BBS9: variants seen among roughly 807,000 people sequenced by gnomAD.
BBS9 encodes protein PTHB1.
In BBS9, 89 loss-of-function variants were observed where a neutral mutation model predicts 117.7. The observed-to-expected ratio is 0.76, with a 90% confidence interval of 0.64 to 0.90. The LOEUF is 0.90. BBS9 is among the 40% of genes least tolerant of loss of function. BBS9 has a pLI of 0.00. For missense variants in BBS9, 982 were observed against 1,042.2 expected, an observed-to-expected ratio of 0.94 and a Z score of 0.80; for synonymous variants, 379 against 370.9, an observed-to-expected ratio of 1.02 and a Z score of -0.25.
intron 5 of BBS9, among the ~76,000 whole-genome samples, chr7:33,225,892 C>CA (rs1213944013): frequency 6.6e-6 from 1 of 152,156 alleles, no homozygotes; most frequent in Non-Finnish European, 1.5e-5. Flanking sequence ...TGCAGACCTA[C>CA]AGACATTTTA....
At chr7:33,429,583 T>C (rs967746534) in intron 19 of BBS9, among the ~76,000 whole-genome samples, 2 of 152,176 alleles carry the variant, frequency 1.3e-5, no homozygotes, top group Non-Finnish European at 2.9e-5. Context: ...GATCCTGCCA[T>C]GGATTCCATA....
At chr7:33,407,466 G>C (rs372418363) in intron 19 of BBS9, among the ~76,000 whole-genome samples, 1 of 152,238 alleles carries the variant, frequency 6.6e-6, no homozygotes, top group Non-Finnish European at 1.5e-5. Flanking sequence ...GCTTTGTTCC[G>C]TTGCTGGTGA....
In BBS9 at chr7:33,315,710, A is replaced by G. The variant is rs78287926; in HGVS notation, c.1017-20731A>G. On this transcript the variant is annotated intron_variant, in intron 9 of 22. Transcript: ENST00000242067. ...AGGCAGTCCTAGGTCATGTCAGGGT[A>G]GATTTTATGTATCATCTTTCTAGGT... is the stretch of plus-strand genomic sequence containing the variant. 3.0e-3 allele frequency among the ~76,000 whole-genome samples: 453 copies of G among 152,290 alleles called. 3 individuals carry two copies. The highest frequency in any genetic ancestry group is 0.03 in the East Asian group (154 of 5,190).
At chr7:33,297,882 T>C (rs1361654028) in intron 9 of BBS9, among the ~76,000 whole-genome samples, 1 of 152,212 alleles carries the variant, frequency 6.6e-6, no homozygotes, top group Non-Finnish European at 1.5e-5. Context: ...TTATAGTACC[T>C]TATAAATAGT....
chr7:33,366,729 A>G (rs1321114863), intron 16 of BBS9, among the ~76,000 whole-genome samples: 1 of 151,708 alleles, frequency 6.6e-6, no homozygotes, highest in Non-Finnish European at 1.5e-5. Context: ...TATTTTTAGT[A>G]GAGATGGGGT....
chr7:33,139,232 A>G (rs1473759300), intron 1 of BBS9, among the ~76,000 whole-genome samples: 3 of 151,378 alleles, frequency 2.0e-5, no homozygotes, highest in Non-Finnish European at 1.5e-5. Flanking sequence ...AGCCTGGGCA[A>G]CAAGAGTGAA....
chr7:33,226,105 G>C (rs1353876007), intron 5 of BBS9, among the ~76,000 whole-genome samples: 1 of 152,170 alleles, frequency 6.6e-6, no homozygotes, highest in Admixed American at 6.5e-5. Flanking sequence ...AAAAGATATA[G>C]AGGGGGAACC....
chr7:33,633,379 G>C (rs765951232), intron 21 of BBS9, among the ~76,000 whole-genome samples: 3 of 151,952 alleles, frequency 2.0e-5, no homozygotes, highest in African/African-American at 4.8e-5. Context: ...TGTTTGGAAA[G>C]CAGGGCTACA....
At chr7:33,382,572 G>T (rs1358628628) in intron 17 of BBS9, among the ~76,000 whole-genome samples, 1 of 152,010 alleles carries the variant, frequency 6.6e-6, no homozygotes, top group Non-Finnish European at 1.5e-5. Context: ...GTGAACTGTA[G>T]ACATAGTAAG....
At chr7:33,327,190 G>A (rs1055292491) in intron 9 of BBS9, among the ~76,000 whole-genome samples, 3 of 152,018 alleles carry the variant, frequency 2.0e-5, no homozygotes, top group Non-Finnish European at 4.4e-5. Context: ...TTTTATTCTG[G>A]CAGAATAGAA....
chr7:33,613,331 G>A (rs541157969), intron 21 of BBS9, among the ~76,000 whole-genome samples: 5 of 152,062 alleles, frequency 3.3e-5, no homozygotes, highest in Non-Finnish European at 5.9e-5. Context: ...GGTTGGAAGA[G>A]CAATTGTGAA....
intron 19 of BBS9, among the ~76,000 whole-genome samples, chr7:33,455,809 G>A (rs1163174082): frequency 6.6e-6 from 1 of 152,108 alleles, no homozygotes; most frequent in Non-Finnish European, 1.5e-5. Flanking sequence ...CCTTTCTTGT[G>A]TTTCTTTTTA....
chr7:33,234,422 C>T (rs539085257), intron 5 of BBS9, among the ~76,000 whole-genome samples: 14 of 152,086 alleles, frequency 9.2e-5, no homozygotes, highest in Admixed American at 1.3e-4. Flanking sequence ...AAAATATTCA[C>T]CACAATCAAG....
chr7:33,333,235 C>G (rs1814524770), intron 9 of BBS9, among the ~76,000 whole-genome samples: 1 of 152,148 alleles, frequency 6.6e-6, no homozygotes, highest in African/African-American at 2.4e-5. Flanking sequence ...CTGCCAGTCC[C>G]CAAAGTCCAT....
intron 10 of BBS9, 99 bp from the exon 11 acceptor site, chr7:33,340,798 G>A (rs1584404530): frequency 2.1e-6 from 2 of 948,108 alleles, no homozygotes; most frequent in East Asian, 5.3e-5. Context: ...ATGTTTATGG[G>A]GTTTTTTTTA....
At chr7:33,300,851 T>A (rs1411277117) in intron 9 of BBS9, among the ~76,000 whole-genome samples, 1 of 152,206 alleles carries the variant, frequency 6.6e-6, no homozygotes, top group East Asian at 1.9e-4. Flanking sequence ...TTTGTATGGG[T>A]CTACTGTTAA....
chr7:33,255,437 C>A (rs1385075766), intron 5 of BBS9, among the ~76,000 whole-genome samples: 1 of 150,688 alleles, frequency 6.6e-6, no homozygotes, highest in Non-Finnish European at 1.5e-5. Flanking sequence ...ATTCTTGGCG[C>A]CTTTGCTGAA....
At chr7:33,320,008 C>T (rs1228139780) in intron 9 of BBS9, among the ~76,000 whole-genome samples, 1 of 152,102 alleles carries the variant, frequency 6.6e-6, no homozygotes, top group African/African-American at 2.4e-5. Flanking sequence ...TTATGGGGTA[C>T]AGGAGATGTT....
intron 5 of BBS9, among the ~76,000 whole-genome samples, chr7:33,220,950 T>C (rs1790129709): frequency 6.6e-6 from 1 of 152,274 alleles, no homozygotes; most frequent in African/African-American, 2.4e-5. Context: ...TAAAGCCATG[T>C]ACCTTCTCTA....
Sources: allele counts gnomAD v4.1 joint callset (sites outside exome capture counted in the v4.1 genomes callset), GRCh38; gene constraint gnomAD v4.1.1; transcripts MANE v1.5; gene names NCBI Gene and HGNC (gene_info 2026-07-23, HGNC 2026-07-21).